Variants in TNFSF4 observed in about 807,000 individuals in gnomAD.
TNFSF4 encodes the protein TNF superfamily member 4.
A neutral mutation model predicts 7.3 loss-of-function variants in TNFSF4; 4 were observed. The ratio of observed to expected loss-of-function variants is 0.55; its 90% CI spans 0.27 to 1.25. The LOEUF is 1.25. Among genes scored for constraint, TNFSF4 ranks in the 50% most tolerant of loss-of-function variants. The pLI is 0.12. For synonymous variants in TNFSF4, 76 were observed against 83.7 expected (o/e 0.91, Z 0.50); for missense variants, 181 against 208.8 (o/e 0.87, Z 0.82).
At chr1:173,262,997 G>C in the TNFSF4 span, among the ~76,000 whole-genome samples, 1 of 152,150 alleles carries the variant, frequency 6.6e-6, no homozygotes, top group East Asian at 1.9e-4. Context: ...ACCAACAACA[G>C]ACAAGCCAAG....
At chr1:173,227,049 C>A in the TNFSF4 span, among the ~76,000 whole-genome samples, 2 of 151,220 alleles carry the variant, frequency 1.3e-5, no homozygotes, top group Admixed American at 6.6e-5. Flanking sequence ...AACTTAAGTT[C>A]TCATGATACT....
At chr1:173,207,375 G>T (rs551135145), upstream of TNFSF4, 3 of 433,228 alleles carry the variant, frequency 6.9e-6, no homozygotes, top group East Asian at 1.0e-4. Flanking sequence ...TGCAACTTTT[G>T]CAGGCAGGCG....
At chr1:173,237,514 T>C in the TNFSF4 span, among the ~76,000 whole-genome samples, 1 of 152,160 alleles carries the variant, frequency 6.6e-6, no homozygotes, top group Non-Finnish European at 1.5e-5. Context: ...AATCCCATAG[T>C]CTCAGCCCAA....
intron 1 of TNFSF4, among the ~76,000 whole-genome samples, chr1:173,194,198 A>T (rs2101989157): frequency 6.6e-6 from 1 of 152,346 alleles, no homozygotes. Flanking sequence ...TGTAAGTGTT[A>T]TTCAGTAGTT....
chr1:173,192,848 A>G (rs1649541314), intron 1 of TNFSF4, among the ~76,000 whole-genome samples: 1 of 152,240 alleles, frequency 6.6e-6, no homozygotes, highest in Non-Finnish European at 1.5e-5. Flanking sequence ...AAATCTGTAT[A>G]TCAGAGAGTT....
chr1:173,260,538 T>C, the TNFSF4 span, among the ~76,000 whole-genome samples: 1 of 152,118 alleles, frequency 6.6e-6, no homozygotes, highest in African/African-American at 2.4e-5. Flanking sequence ...TTAAAAGGCA[T>C]AGAATGGCAA....
At chr1:173,293,704 T>C in the TNFSF4 span, among the ~76,000 whole-genome samples, 1 of 152,028 alleles carries the variant, frequency 6.6e-6, no homozygotes, top group Non-Finnish European at 1.5e-5. Flanking sequence ...GGAGAAAATA[T>C]CTGCAAACTA....
At chr1:173,423,345 C>T in the TNFSF4 span, among the ~76,000 whole-genome samples, 1 of 152,328 alleles carries the variant, frequency 6.6e-6, no homozygotes, top group South Asian at 2.1e-4. Flanking sequence ...TATTCCCCTT[C>T]TTTTCCACCT....
At chr1:173,449,760 A>T in the TNFSF4 span, among the ~76,000 whole-genome samples, 1 of 152,198 alleles carries the variant, frequency 6.6e-6, no homozygotes. Context: ...AGAAAATGCA[A>T]CATATCAAAA....
the TNFSF4 span, among the ~76,000 whole-genome samples, chr1:173,297,248 GAT>G: frequency 1.3e-5 from 2 of 151,822 alleles, no homozygotes; most frequent in Non-Finnish European, 2.9e-5. Flanking sequence ...ACCATCTAAT[GAT>G]ATGTTAGACC....
chr1:173,355,846 T>C, the TNFSF4 span, among the ~76,000 whole-genome samples: 1 of 152,244 alleles, frequency 6.6e-6, no homozygotes, highest in Non-Finnish European at 1.5e-5. Context: ...ACAGTTCCCA[T>C]ACTCAAATGC....
the TNFSF4 span, chr1:173,363,672 C>A: frequency 3.1e-6 from 1 of 327,384 alleles, no homozygotes; most frequent in Non-Finnish European, 5.9e-6. Flanking sequence ...GAACAGGCTT[C>A]CCTAAGGCCC....
the TNFSF4 span, among the ~76,000 whole-genome samples, chr1:173,416,047 T>C: frequency 0.79 from 119,931 of 152,102 alleles, 47,455 homozygotes; most frequent in South Asian, 0.86. Flanking sequence ...GGCCAGAAGA[T>C]TGGCTCCTTT....
the TNFSF4 span, among the ~76,000 whole-genome samples, chr1:173,409,850 C>T: frequency 6.6e-6 from 1 of 152,248 alleles, no homozygotes; most frequent in Non-Finnish European, 1.5e-5. Flanking sequence ...CTCCATGCTT[C>T]CTGATCTAGG....
At chr1:173,271,335 G>A in the TNFSF4 span, among the ~76,000 whole-genome samples, 1 of 152,106 alleles carries the variant, frequency 6.6e-6, no homozygotes, top group South Asian at 2.1e-4. Flanking sequence ...AAGGTGAAAT[G>A]AAGGGATCCC....
At chr1:173,419,906 G>GC in the TNFSF4 span, among the ~76,000 whole-genome samples, 2 of 147,546 alleles carry the variant, frequency 1.4e-5, no homozygotes, top group African/African-American at 5.3e-5. Flanking sequence ...TTTGTGTGGC[G>GC]GGGGGGGGGA....
At chr1:173,417,829 T>C in the TNFSF4 span, 1 of 152,234 alleles carries the variant, frequency 6.6e-6, no homozygotes, top group African/African-American at 2.4e-5. Flanking sequence ...TTACTTCCTC[T>C]TTACTCTCTG....
chr1:173,238,476 A>G, the TNFSF4 span, among the ~76,000 whole-genome samples: 1 of 149,292 alleles, frequency 6.7e-6, no homozygotes, highest in Non-Finnish European at 1.5e-5. Flanking sequence ...GGCAACCTAC[A>G]GAATGGGAGA....
chr1:173,413,543 G>A, the TNFSF4 span, among the ~76,000 whole-genome samples: 121 of 152,308 alleles, frequency 7.9e-4, no homozygotes, highest in African/African-American at 2.9e-3. Context: ...GAGACCACAG[G>A]GCACATCGGT....
Sources: allele counts gnomAD v4.1 joint callset (sites outside exome capture counted in the v4.1 genomes callset), GRCh38; gene constraint gnomAD v4.1.1; transcripts MANE v1.5; gene names NCBI Gene and HGNC (gene_info 2026-07-23, HGNC 2026-07-21).